Variants in WDFY3 observed in about 807,000 individuals in gnomAD.
The protein encoded by WDFY3 is WD repeat and FYVE domain-containing protein 3.
Under a neutral mutation model 409.6 loss-of-function variants are expected in WDFY3, and 66 were observed. The observed-to-expected ratio is 0.16, with a 90% CI of 0.13 to 0.20. WDFY3 has a LOEUF of 0.20. WDFY3 is among the 10% of genes least tolerant of loss of function. WDFY3 has a pLI of 1.00. For synonymous variants in WDFY3, 1,521 were observed against 1,537.1 expected (o/e 0.99, Z 0.25); for missense variants, 3,031 against 4,298.1 (o/e 0.71, Z 8.24).
At chr4:84,849,245 C>A (rs1758533235) in intron 5 of WDFY3, among the ~76,000 whole-genome samples, 1 of 152,004 alleles carries the variant, frequency 6.6e-6, no homozygotes. Context: ...CTACAGATGA[C>A]ACAGAGACCC....
rs373944130 is a variant in WDFY3 at position 84,831,563 on chromosome 4, G to T, written c.619C>A (p.Leu207Met). The change falls in exon 8 of 68, where the codon CTG (leucine) becomes ATG (methionine). Residue 207 changes from leucine (L) to methionine (M), a missense_variant. This residue lies in a region of WDFY3 where 1,322 missense variants were observed against 1,697.9 expected (regional missense o/e 0.78). Transcript: ENST00000295888. The stretch of plus-strand genomic sequence containing the variant: ...AGCTGGAGATCATCTTTCTGAGCCA[G>T]CTCCTCCGCAGGGGAAACAAAACTG... Reference protein sequence around the residue: ...LCSFVSPAEELAQKDDLQLLF... With the variant: ...LCSFVSPAEEMAQKDDLQLLF... 6.2e-7 allele frequency: 1 copy of T among 1,613,780 alleles called. No homozygotes were observed. Among genetic ancestry groups the T allele is most frequent in the African/African-American group, 1.3e-5 (1 of 74,920 alleles).
chr4:84,705,498 G>A lies in WDFY3; in HGVS notation c.8231C>T (p.Thr2744Ile), dbSNP rs754982650. ...CAGGTTTCTAAACGTCTTGGGATTAGTAAGATCCACCTCCTAAAATACAAA... is the reference window on the plus strand; with the variant it reads ...CAGGTTTCTAAACGTCTTGGGATTAATAAGATCCACCTCCTAAAATACAAA... ...ADYDSEEVDLTNPKTFRNLAK... is the reference protein window; with the variant it reads ...ADYDSEEVDLINPKTFRNLAK... Residue 2744 changes from threonine (T) to isoleucine (I), a missense_variant, in exon 54 of 68, where the codon ACT (threonine) becomes ATT (isoleucine). Thr to Ile is a moderately conservative substitution (Grantham distance 89). Transcript: ENST00000295888. 4 of 1,613,760 alleles carry A rather than the reference G, an allele frequency of 2.5e-6. No homozygotes were observed. In the Admixed American group the frequency reaches 6.7e-5, roughly 27 times the overall value.
intron 61 of WDFY3, among the ~76,000 whole-genome samples, chr4:84,689,249 AC>A (rs1186610931): frequency 6.6e-6 from 1 of 152,220 alleles, no homozygotes; most frequent in Non-Finnish European, 1.5e-5. Flanking sequence ...CTGTGTATAC[AC>A]ATGAAGTATA....
chr4:84,772,142 G>C (rs935891221), intron 30 of WDFY3, among the ~76,000 whole-genome samples: 2 of 152,130 alleles, frequency 1.3e-5, no homozygotes, highest in African/African-American at 4.8e-5. Flanking sequence ...ATATAATAGG[G>C]TAATAATGTA....
chr4:84,849,851 AC>A (rs1758638649), intron 5 of WDFY3, 50 bp downstream of exon 5: 1 of 1,599,662 alleles, frequency 6.3e-7, no homozygotes, highest in Admixed American at 1.8e-5. Context: ...CTTTTACAGA[AC>A]TGCTTGTTCA....
intron 61 of WDFY3, among the ~76,000 whole-genome samples, chr4:84,689,941 T>C (rs1160652105): frequency 1.3e-5 from 2 of 152,202 alleles, no homozygotes; most frequent in Admixed American, 1.3e-4. Context: ...CTCTCACAGA[T>C]CAAATATTAA....
At chr4:84,796,941 A>G (rs1749553514) in intron 18 of WDFY3, among the ~76,000 whole-genome samples, 189 bp from the exon 19 acceptor site, 1 of 152,156 alleles carries the variant, frequency 6.6e-6, no homozygotes, top group African/African-American at 2.4e-5. Context: ...CTTTTTTACT[A>G]AAGCAATATG....
chr4:84,797,091 T>C (rs927694565), intron 18 of WDFY3, among the ~76,000 whole-genome samples: 1 of 152,210 alleles, frequency 6.6e-6, no homozygotes, highest in Non-Finnish European at 1.5e-5. Context: ...TTTTATTTCA[T>C]AAAACTATGA....
At chr4:84,876,653 T>C (rs185634333) in intron 3 of WDFY3, among the ~76,000 whole-genome samples, 1 of 152,242 alleles carries the variant, frequency 6.6e-6, no homozygotes, top group Admixed American at 6.5e-5. Context: ...GTATCCTTAG[T>C]TCATAGTAAG....
At chr4:84,947,543 A>AT (rs1398163194) in intron 1 of WDFY3, among the ~76,000 whole-genome samples, 43 of 146,024 alleles carry the variant, frequency 2.9e-4, no homozygotes, top group South Asian at 1.5e-3. Context: ...AATAATAATA[A>AT]AAATAATAAA....
intron 18 of WDFY3, 133 bp downstream of exon 18, chr4:84,797,863 G>C (rs1283967139): frequency 2.6e-6 from 2 of 782,288 alleles, no homozygotes; most frequent in Non-Finnish European, 3.9e-6. Flanking sequence ...GAGCCACCGC[G>C]CCGGGCCTGT....
chr4:84,810,121 T>C lies in WDFY3; in HGVS notation c.2111A>G (p.His704Arg), dbSNP rs1236357299. 6.2e-7 allele frequency: 1 copy of C among 1,614,142 alleles called. No individual in the cohort carries two copies. The highest frequency in any genetic ancestry group is 2.2e-5 in the East Asian group (1 of 44,876). Residue 704 changes from histidine (H) to arginine (R), a missense_variant, in exon 14 of 68, where the codon CAT becomes CGT. By Grantham distance (29) the His-to-Arg change is conservative. Transcript: ENST00000295888. ...AAMRYEPANS[H>R]FFKTEIQYEK... ...ATACTGAATCTCTGTTTTGAAGAAA[T>C]GAGAGTTGGCTGGCTCATAGCGCAT...
At chr4:84,709,140 C>T (rs541587676) in intron 52 of WDFY3, 112 bp from the exon 53 acceptor site, 1 of 1,470,460 alleles carries the variant, frequency 6.8e-7, no homozygotes, top group Admixed American at 2.2e-5. Flanking sequence ...TAACAGATTT[C>T]AGAACAATGA....
At chr4:84,961,937 A>G (rs1309334968) in intron 1 of WDFY3, among the ~76,000 whole-genome samples, 2 of 152,210 alleles carry the variant, frequency 1.3e-5, no homozygotes, top group African/African-American at 4.8e-5. Context: ...TAGGACTCAA[A>G]AATCCCACTC....
At chr4:84,760,138 A>G (rs1742273320) in intron 32 of WDFY3, among the ~76,000 whole-genome samples, 1 of 151,776 alleles carries the variant, frequency 6.6e-6, no homozygotes, top group African/African-American at 2.4e-5. Flanking sequence ...CCAGCCTTGC[A>G]TCCCAGGGAT....
chr4:84,799,646 G>A (rs1388561244), intron 17 of WDFY3, among the ~76,000 whole-genome samples: 1 of 151,540 alleles, frequency 6.6e-6, no homozygotes, highest in African/African-American at 2.4e-5. Flanking sequence ...CATTTTTTAA[G>A]AGCATAAACC....
intron 50 of WDFY3, among the ~76,000 whole-genome samples, chr4:84,713,980 G>C (rs970186029): frequency 6.6e-6 from 1 of 152,052 alleles, no homozygotes; most frequent in African/African-American, 2.4e-5. Flanking sequence ...AGCTGGGTGT[G>C]GTGGTGCACC....
intron 3 of WDFY3, among the ~76,000 whole-genome samples, chr4:84,877,928 A>AG (rs959954344): frequency 6.6e-6 from 1 of 152,208 alleles, no homozygotes; most frequent in Non-Finnish European, 1.5e-5. Context: ...AATAGACCAA[A>AG]GGGGGCAAAT....
At chr4:84,897,811 G>T (rs1218293849) in intron 2 of WDFY3, among the ~76,000 whole-genome samples, 1 of 152,112 alleles carries the variant, frequency 6.6e-6, no homozygotes, top group Non-Finnish European at 1.5e-5. Context: ...ACCTATTCTG[G>T]ATATTTCATT....
Sources: allele counts gnomAD v4.1 joint callset (sites outside exome capture counted in the v4.1 genomes callset), GRCh38; gene constraint gnomAD v4.1.1; regional missense constraint gnomAD v4.1.1; transcripts MANE v1.5; gene names NCBI Gene and HGNC (gene_info 2026-07-23, HGNC 2026-07-21).